The following MAP4K1 variants were observed in gnomAD, a reference collection of about 807,000 sequenced individuals.
The protein encoded by MAP4K1 is MAPK/ERK kinase kinase kinase 1.
MAP4K1 carries 35 observed loss-of-function variants against 122.8 expected under a neutral mutation model. That is an observed-to-expected ratio of 0.29 (90% CI 0.22 to 0.38). The LOEUF (loss-of-function observed/expected upper bound fraction) is 0.38. MAP4K1 is among the 10% of genes least tolerant of loss of function. The pLI is 1.00. For synonymous variants in MAP4K1, 412 were observed against 421.3 expected, an observed-to-expected ratio of 0.98 and a Z score of 0.27; for missense variants, 791 against 1,072.6, an observed-to-expected ratio of 0.74 and a Z score of 3.67.
At chr19:38,599,661 C>CA (rs1203595408) in intron 22 of MAP4K1, among the ~76,000 whole-genome samples, 2 of 147,126 alleles carry the variant, frequency 1.4e-5, no homozygotes, top group Non-Finnish European at 3.0e-5. Flanking sequence ...GACTCTGTCT[C>CA]AAAAAAAGAA....
rs558033203 is a variant in MAP4K1 at position 38,613,790 on chromosome 19, C to T, written c.533+90G>A. The T allele has an allele frequency of 1.3e-4, 128 of 998,584 alleles. 1 individual carries two copies. Among genetic ancestry groups the T allele is most frequent in the South Asian group, 8.1e-4 (57 of 70,536 alleles). The allele number at this position is 998,584 out of a possible 1,614,324, so 61.9% of individuals were successfully genotyped here. A position where few individuals can be genotyped will look rare whatever the true frequency, so the allele number is the denominator to read the frequency against. On this transcript the variant is annotated intron_variant, in intron 8 of 30. Transcript: ENST00000396857. ...AAGGAGAAAGGACGAGGCAGGGGAA[C>T]GGAGCCAGGAAAGAGGATCCCGGGG...
rs757567404 is a variant in MAP4K1, at chr19:38,613,870, C to T, written c.533+10G>A. The T allele has an allele frequency of 2.0e-5, 32 of 1,597,226 alleles. No individual in the cohort carries two copies. Among genetic ancestry groups the T allele is most frequent in the Middle Eastern group, 1.8e-4 (1 of 5,446 alleles). Reference sequence around the variant, plus strand: ...ACTCCACCCCTAGCTGCCCGCTGGGCGCCACTCACCAGTAGGGTGTCCCAA... The same window carrying T: ...ACTCCACCCCTAGCTGCCCGCTGGGTGCCACTCACCAGTAGGGTGTCCCAA... On this transcript the variant is annotated intron_variant, in intron 8 of 30. Transcript: ENST00000396857.
At chr19:38,609,103 G>A (rs1975420538) in intron 13 of MAP4K1, among the ~76,000 whole-genome samples, 1 of 152,060 alleles carries the variant, frequency 6.6e-6, no homozygotes, top group African/African-American at 2.4e-5. Context: ...GTCTCCCTGG[G>A]AACTCTATGG....
chr19:38,591,064 CCTGTAAT>C (rs1568619528), intron 30 of MAP4K1, among the ~76,000 whole-genome samples: 1 of 151,752 alleles, frequency 6.6e-6, no homozygotes, highest in Non-Finnish European at 1.5e-5. Flanking sequence ...GTGGCACATG[CCTGTAAT>C]CCCAGCTACT....
intron 30 of MAP4K1, among the ~76,000 whole-genome samples, chr19:38,590,276 G>A (rs1367235790): frequency 1.4e-5 from 2 of 146,540 alleles, no homozygotes; most frequent in South Asian, 4.3e-4. Context: ...TTTTAAAAAG[G>A]TCAAAGCTCC....
In MAP4K1 at chr19:38,617,548, G is replaced by C; in HGVS notation, c.157+20C>G. The C allele has an allele frequency of 6.2e-7, 1 of 1,613,832 alleles. No individual in the cohort carries two copies. Among genetic ancestry groups the C allele is most frequent in the Middle Eastern group, 1.7e-4 (1 of 6,060 alleles). Reference sequence around the variant, plus strand: ...GCGAAGGTGGGGATGTGGGGAAGGAGCTCCATGTTCCCTCCTCACCAGGCT... The same window carrying C: ...GCGAAGGTGGGGATGTGGGGAAGGACCTCCATGTTCCCTCCTCACCAGGCT... On this transcript the variant is annotated intron_variant, in intron 2 of 30. Transcript: ENST00000396857. The surrounding 1 kb of genome is among the most constrained non-coding windows in gnomAD (Gnocchi z 4.1).
In MAP4K1 at chr19:38,603,059, CATATACACATATACAT is replaced by C. The variant is rs1471858048; in HGVS notation, c.1447-1550_1447-1535del. On this transcript the variant is annotated intron_variant, in intron 19 of 30. Coordinates refer to ENST00000396857, the MANE Select transcript of MAP4K1 (RefSeq NM_001042600.3). The stretch of plus-strand genomic sequence containing the variant: ...ACACATGTACATATATACGCATATA[CATATACACATATACAT>C]ATATACACATGTACATATATACACA... 3.0e-4 allele frequency among the ~76,000 whole-genome samples: 32 copies of C among 107,986 alleles called. 1 individual carries two copies. Among genetic ancestry groups the C allele is most frequent in the South Asian group, 1.1e-3 (3 of 2,684 alleles). The allele number at this position is 107,986 out of a possible 152,430, so 70.8% of individuals were successfully genotyped here. A position where few individuals can be genotyped will look rare whatever the true frequency, so the allele number is the denominator to read the frequency against.
chr19:38,612,210 A>G (rs1305833816), intron 9 of MAP4K1, among the ~76,000 whole-genome samples: 2 of 152,062 alleles, frequency 1.3e-5, no homozygotes, highest in Non-Finnish European at 2.9e-5. Flanking sequence ...ACCTGAGGTC[A>G]GGAGTTCGAG....
chr19:38,613,013 AAG>A (rs1338860726), intron 8 of MAP4K1, among the ~76,000 whole-genome samples: 12 of 152,160 alleles, frequency 7.9e-5, no homozygotes, highest in African/African-American at 2.6e-4. Flanking sequence ...GCAACTTATC[AAG>A]ACCCTATCTC....
In MAP4K1 at chr19:38,596,490, C is replaced by T. The variant is rs762697529; in HGVS notation, c.1942-4G>A. On this transcript the variant is annotated splice_polypyrimidine_tract_variant and splice_region_variant and intron_variant, in intron 25 of 30. Transcript: ENST00000396857. ...TCGGCAGTGGGAACAGCACCTGCTG[C>T]GGGCCGCACAGGGAGGGGCGGGCTA... 7.1e-6 allele frequency: 11 copies of T among 1,545,446 alleles called. No homozygotes were observed. In the Admixed American group the frequency reaches 2.1e-4, roughly 29 times the overall value.
At chr19:38,601,283 TG>T in intron 20 of MAP4K1, 157 bp downstream of exon 20, 1 of 619,734 alleles carries the variant, frequency 1.6e-6, no homozygotes, top group Non-Finnish European at 2.8e-6. Context: ...AAATCCTGAG[TG>T]TAAGGACAAG....
chr19:38,605,578 G>A lies in MAP4K1; in HGVS notation c.1353C>T (p.Thr451=), dbSNP rs777831904. 4.5e-6 allele frequency: 7 copies of A among 1,541,768 alleles called. No individual in the cohort carries two copies. Among genetic ancestry groups the A allele is most frequent in the East Asian group, 2.4e-5 (1 of 41,706 alleles). Reference sequence around the variant, plus strand: ...AGCCTGTCCCATTACCTGAATGGGCGGTGAGGTGGGGGCTGCTGGTGGATG... The same window carrying A: ...AGCCTGTCCCATTACCTGAATGGGCAGTGAGGTGGGGGCTGCTGGTGGATG... ...PPPSTSSPHL[T]AHSEPSLWNP... Residue 451 remains threonine (T), a synonymous_variant, in exon 18 of 31, where the codon ACC becomes ACT. Coordinates refer to ENST00000396857, the MANE Select transcript of MAP4K1 (RefSeq NM_001042600.3).
At position 38,587,776 on chromosome 19, in the gene MAP4K1, G is replaced by A. The variant is rs1251275526; in HGVS notation, c.2438C>T (p.Ala813Val). 6.2e-7 allele frequency: 1 copy of A among 1,614,148 alleles called. No individual in the cohort carries two copies. The highest frequency in any genetic ancestry group is 1.7e-5 in the Admixed American group (1 of 60,018). Residue 813 changes from alanine (A) to valine (V), a missense_variant, in exon 31 of 31, where the codon GCT (alanine) becomes GTT (valine). Around this residue, in one of 4 missense-constraint regions of MAP4K1, gnomAD observed 267 missense variants for 323.0 expected, o/e 0.83. Coordinates refer to ENST00000396857, the MANE Select transcript of MAP4K1 (RefSeq NM_001042600.3). ...TTCCTGGATGTAGAGGTTGCTGGGAGCAGTAGGATCATCCACTGGGCGTGT... is the reference window on the plus strand; with the variant it reads ...TTCCTGGATGTAGAGGTTGCTGGGAACAGTAGGATCATCCACTGGGCGTGT... ...VETRPVDDPT[A>V]PSNLYIQE
chr19:38,610,868 G>C (rs1319366278), intron 11 of MAP4K1, among the ~76,000 whole-genome samples, 183 bp downstream of exon 11: 1 of 152,078 alleles, frequency 6.6e-6, no homozygotes, highest in Non-Finnish European at 1.5e-5. Context: ...GGGTATTTGG[G>C]AAAGGTCTGG....
At chr19:38,591,737 G>A (rs1435671083) in intron 30 of MAP4K1, among the ~76,000 whole-genome samples, 1 of 151,918 alleles carries the variant, frequency 6.6e-6, no homozygotes, top group East Asian at 1.9e-4. Flanking sequence ...TTGGGAGGCC[G>A]AGGCGGGCAG....
At chr19:38,605,336 A>ACCCCCAACCCCCC in intron 19 of MAP4K1, 73 bp downstream of exon 19, 1 of 1,108,392 alleles carries the variant, frequency 9.0e-7, no homozygotes, top group East Asian at 2.6e-5. Flanking sequence ...CAGTCCTGCC[A>ACCCCCAACCCCCC]CCCCCTCCCC....
rs959306262 is a variant in MAP4K1 at position 38,597,113 on chromosome 19, G to A, written c.1862C>T (p.Pro621Leu). 6.2e-6 allele frequency: 10 copies of A among 1,614,056 alleles called. No individual in the cohort carries two copies. Among genetic ancestry groups the A allele is most frequent in the Non-Finnish European group, 7.6e-6 (9 of 1,180,032 alleles). The change falls in exon 25 of 31, where the codon CCG becomes CTG. Residue 621 changes from proline (P) to leucine (L), a missense_variant. Pro to Leu is a moderately conservative substitution (Grantham distance 98, BLOSUM62 -3). Around this residue, in one of 4 missense-constraint regions of MAP4K1, gnomAD observed 267 missense variants for 323.0 expected, o/e 0.83. Transcript: ENST00000396857. The surrounding 1 kb of genome is among the most constrained non-coding windows in gnomAD (Gnocchi z 4.6). ...CVAEGASSGG[P>L]FLCGALETSV... Reference sequence around the variant, plus strand: ...CGTCTCCAATGCACCGCACAGGAACGGGCCCCCAGAGCTCGCACCCTCCGC... The same window carrying A: ...CGTCTCCAATGCACCGCACAGGAACAGGCCCCCAGAGCTCGCACCCTCCGC...
chr19:38,605,572 A>G lies in MAP4K1; in HGVS notation c.1359T>C (p.His453=), dbSNP rs1183995490. 6.5e-7 allele frequency: 1 copy of G among 1,535,258 alleles called. No individual in the cohort carries two copies. Among genetic ancestry groups the G allele is most frequent in the African/African-American group, 1.4e-5 (1 of 71,730 alleles). The change falls in exon 18 of 31, where the codon CAT becomes CAC. Residue 453 remains histidine, a synonymous_variant. Coordinates refer to ENST00000396857, the MANE Select transcript of MAP4K1 (RefSeq NM_001042600.3). ...PSTSSPHLTA[H]SEPSLWNPPS... is the part of the protein sequence containing the mutation. ...CACCCTAGCCTGTCCCATTACCTGAATGGGCGGTGAGGTGGGGGCTGCTGG... is the reference window on the plus strand; with the variant it reads ...CACCCTAGCCTGTCCCATTACCTGAGTGGGCGGTGAGGTGGGGGCTGCTGG...
At chr19:38,607,942 C>T in intron 15 of MAP4K1, 31 bp from the exon 16 acceptor site, 3 of 1,612,040 alleles carry the variant, frequency 1.9e-6, no homozygotes, top group Non-Finnish European at 2.5e-6. Flanking sequence ...GCCTTGGGGG[C>T]CTTGTCCACA....
Sources: allele counts gnomAD v4.1 joint callset (sites outside exome capture counted in the v4.1 genomes callset), GRCh38; gene constraint gnomAD v4.1.1; regional missense constraint gnomAD v4.1.1; non-coding constraint Gnocchi (gnomAD v3.1); transcripts MANE v1.5; gene names NCBI Gene and HGNC (gene_info 2026-07-23, HGNC 2026-07-21).